The following CCDC57 variants were observed in gnomAD, a reference collection of about 807,000 sequenced individuals.
The protein encoded by CCDC57 is coiled-coil domain-containing protein 57.
CCDC57 carries 118 observed loss-of-function variants against 118.9 expected under a neutral mutation model. The ratio of observed to expected loss-of-function variants is 0.99; its 90% CI spans 0.86 to 1.16. The LOEUF is 1.16. CCDC57 is among the 50% of genes most tolerant of loss of function. CCDC57 has a pLI of 0.00. For missense variants in CCDC57, 1,300 were observed against 1,320.7 expected (o/e 0.98, Z 0.24); for synonymous variants, 527 against 532.9 (o/e 0.99, Z 0.15).
chr17:82,136,891 G>C (rs893191544), intron 16 of CCDC57, among the ~76,000 whole-genome samples: 88 of 151,920 alleles, frequency 5.8e-4, no homozygotes, highest in African/African-American at 2.1e-3. Flanking sequence ...CTGAAAGCTA[G>C]GTCTTGTTTT....
At chr17:82,196,799 C>T (rs2048348926) in intron 4 of CCDC57, among the ~76,000 whole-genome samples, 2 of 151,200 alleles carry the variant, frequency 1.3e-5, no homozygotes, top group Admixed American at 1.3e-4. Context: ...CTCAGGACAC[C>T]TGCAGAGACG....
At chr17:82,160,797 C>T (rs2043218853) in intron 14 of CCDC57, among the ~76,000 whole-genome samples, 1 of 147,852 alleles carries the variant, frequency 6.8e-6, no homozygotes, top group Non-Finnish European at 1.5e-5. Context: ...TTCCTTGAAC[C>T]CGGGAGGCGG....
At chr17:82,113,370 C>T in intron 19 of CCDC57, 1 of 717,078 alleles carries the variant, frequency 1.4e-6, no homozygotes, top group Non-Finnish European at 2.6e-6. Flanking sequence ...GCGTGACCTG[C>T]TCTCTCAGTC....
At chr17:82,175,852 C>T (rs2045401609) in intron 11 of CCDC57, among the ~76,000 whole-genome samples, 2 of 152,178 alleles carry the variant, frequency 1.3e-5, no homozygotes, top group African/African-American at 4.8e-5. Flanking sequence ...GGAGATGCCT[C>T]TGACCTTTGA....
intron 16 of CCDC57, among the ~76,000 whole-genome samples, chr17:82,145,217 C>T (rs545230219): frequency 1.4e-5 from 2 of 141,924 alleles, no homozygotes; most frequent in African/African-American, 5.2e-5. Flanking sequence ...TTAGTAGAGA[C>T]GGGGTTTCAT....
intron 19 of CCDC57, among the ~76,000 whole-genome samples, chr17:82,123,370 C>A (rs765641507): frequency 5.4e-5 from 8 of 149,042 alleles, no homozygotes; most frequent in South Asian, 4.3e-4. Flanking sequence ...TTCAAGCGAT[C>A]CTCCCACTTT....
Position 82,188,426 on chromosome 17 carries a change from C to T in CCDC57, c.852-7G>A, listed in dbSNP as rs779614972. 2.5e-6 allele frequency: 4 copies of T among 1,608,376 alleles called. No homozygotes were observed. The highest frequency in any genetic ancestry group is 3.4e-6 in the Non-Finnish European group (4 of 1,178,682). On this transcript the variant is annotated splice_polypyrimidine_tract_variant and splice_region_variant and intron_variant, in intron 7 of 19. Coordinates refer to ENST00000665763, the Ensembl canonical transcript of CCDC57. ...ACGGTCGAGCTCCTCATGCCTGAAA[C>T]ACAGTGAGTGTCCCATGGCGCTCAC...
chr17:82,207,364 T>C (rs918457388), intron 2 of CCDC57, among the ~76,000 whole-genome samples: 24 of 151,616 alleles, frequency 1.6e-4, no homozygotes, highest in African/African-American at 4.6e-4. Context: ...AAAAAGAAAT[T>C]ATGGTTTAGG....
chr17:82,108,263 C>T (rs527771128), intron 19 of CCDC57, among the ~76,000 whole-genome samples: 1 of 152,324 alleles, frequency 6.6e-6, no homozygotes, highest in South Asian at 2.1e-4. Flanking sequence ...TTGCCCGGGT[C>T]CTGGAGTTGT....
chr17:82,151,531 A>G (rs2042072509), intron 16 of CCDC57, 29 bp downstream of exon 15: 8 of 1,547,642 alleles, frequency 5.2e-6, no homozygotes, highest in Non-Finnish European at 5.2e-6. Context: ...ACCCACACTC[A>G]GGCCATGGCC....
chr17:82,127,795 G>A (rs1249444675), exon 19 of CCDC57: 7 of 1,613,102 alleles, frequency 4.3e-6, no homozygotes, highest in Non-Finnish European at 5.9e-6. Context: ...AGGAGGAGCT[G>A]TGGGATTGGC....
chr17:82,174,576 A>G (rs556450063), intron 11 of CCDC57, among the ~76,000 whole-genome samples: 1 of 152,290 alleles, frequency 6.6e-6, no homozygotes, highest in East Asian at 1.9e-4. Flanking sequence ...CAGCATTTCA[A>G]AGGAGCCCAA....
At chr17:82,113,415 C>G (rs572235885) in intron 19 of CCDC57, 1 of 717,662 alleles carries the variant, frequency 1.4e-6, no homozygotes, top group South Asian at 1.5e-5. Context: ...GGGACTAGAA[C>G]GACAGGAGCA....
intron 1 of CCDC57, among the ~76,000 whole-genome samples, chr17:82,211,483 G>C (rs1313877568): frequency 6.6e-6 from 1 of 152,088 alleles, no homozygotes; most frequent in Non-Finnish European, 1.5e-5. Flanking sequence ...AGCATTCTAG[G>C]GGCTCTGGGC....
At chr17:82,147,038 G>C (rs541998564) in intron 16 of CCDC57, among the ~76,000 whole-genome samples, 1 of 152,228 alleles carries the variant, frequency 6.6e-6, no homozygotes, top group Non-Finnish European at 1.5e-5. Context: ...AGGAACTGAA[G>C]AAGGCAGAAA....
intron 8 of CCDC57, among the ~76,000 whole-genome samples, chr17:82,184,405 A>G (rs114709343): frequency 1.4e-3 from 219 of 152,352 alleles, no homozygotes; most frequent in African/African-American, 4.8e-3. Flanking sequence ...ATGGTAAAAT[A>G]AGGTTCTACA....
In CCDC57 at chr17:82,128,088, C is replaced by T. The variant is rs539926986; in HGVS notation, c.2683-180G>A. Reference sequence around the variant, plus strand: ...TGCAGACAGGGATGCATCCGGGGAGCGAGTCTCAGCGCTGGGAACGCTGAG... The same window carrying T: ...TGCAGACAGGGATGCATCCGGGGAGTGAGTCTCAGCGCTGGGAACGCTGAG... On this transcript the variant is annotated intron_variant, in intron 18 of 19. Transcript: ENST00000665763. Among the ~76,000 whole-genome samples the T allele has an allele frequency of 4.6e-5, 7 of 152,184 alleles. No homozygotes were observed. The South Asian group carries it at 8.3e-4, about 18-fold the overall frequency.
intron 19 of CCDC57, chr17:82,127,158 C>T: frequency 1.0e-6 from 1 of 985,442 alleles, no homozygotes; most frequent in African/African-American, 1.7e-5. Flanking sequence ...AGAGAAGAGT[C>T]TCAGGGCGGC....
rs374961521 is a variant in CCDC57 at position 82,175,699 on chromosome 17, C to G, written c.1506+2775G>C. The G allele has an allele frequency of 1.1e-4, 17 of 152,318 alleles. No individual in the cohort carries two copies. In the East Asian group the frequency reaches 2.7e-3, roughly 24 times the overall value. The allele number at this position is 152,318 out of a possible 1,614,324, so 9.4% of individuals were successfully genotyped here. ...TAAAACCGAGGTGTGCTCTGACCACCTCGGAACACGTCGTCAGGACCTCCT... is the reference window on the plus strand; with the variant it reads ...TAAAACCGAGGTGTGCTCTGACCACGTCGGAACACGTCGTCAGGACCTCCT... On this transcript the variant is annotated intron_variant, in intron 11 of 19. Transcript: ENST00000665763.
Sources: allele counts gnomAD v4.1 joint callset (sites outside exome capture counted in the v4.1 genomes callset), GRCh38; gene constraint gnomAD v4.1.1; transcripts MANE v1.5; gene names NCBI Gene and HGNC (gene_info 2026-07-23, HGNC 2026-07-21).